CDK14: variants seen among roughly 807,000 people sequenced by gnomAD.
CDK14 encodes the protein cyclin-dependent kinase 14.
CDK14 carries 34 observed loss-of-function variants against 60.7 expected under a neutral mutation model. That is an observed-to-expected ratio of 0.56 (90% CI 0.43 to 0.75). The LOEUF is 0.75. Among genes scored for constraint, CDK14 ranks in the 30% least tolerant of loss-of-function variants. The pLI, the probability that CDK14 is intolerant of heterozygous loss-of-function variation, is 0.00. For missense variants in CDK14, 482 were observed against 564.1 expected (o/e 0.85, Z 1.47); for synonymous variants, 197 against 203.7 (o/e 0.97, Z 0.28).
chr7:90,708,297 A>G (rs1050983304), intron 2 of CDK14, among the ~76,000 whole-genome samples: 4 of 152,170 alleles, frequency 2.6e-5, no homozygotes, highest in Admixed American at 6.6e-5. Context: ...AATGACTCAA[A>G]TAAGAAGTGC....
chr7:90,647,987 A>G (rs1397684823), intron 2 of CDK14, among the ~76,000 whole-genome samples: 2 of 152,220 alleles, frequency 1.3e-5, no homozygotes, highest in African/African-American at 4.8e-5. Flanking sequence ...AGAATTTATA[A>G]TTGAAGAGGG....
At chr7:91,205,517 T>C (rs563465903) in intron 14 of CDK14, among the ~76,000 whole-genome samples, 2 of 152,272 alleles carry the variant, frequency 1.3e-5, no homozygotes, top group South Asian at 4.1e-4. Flanking sequence ...GTATTAATAG[T>C]TGTCAGGGGC....
At chr7:90,744,119 A>C (rs1435547755) in intron 3 of CDK14, among the ~76,000 whole-genome samples, 1 of 152,134 alleles carries the variant, frequency 6.6e-6, no homozygotes, top group Non-Finnish European at 1.5e-5. Context: ...TAAACAAGTG[A>C]ACAAAGGTCT....
intron 8 of CDK14, among the ~76,000 whole-genome samples, chr7:90,923,211 G>A (rs1030220519): frequency 8.7e-5 from 13 of 149,160 alleles, no homozygotes; most frequent in Non-Finnish European, 1.5e-4. Context: ...CCGGGTTCAC[G>A]CCATTCTCCT....
At chr7:90,848,283 G>A (rs11765547) in intron 5 of CDK14, among the ~76,000 whole-genome samples, 112,675 of 152,006 alleles carry the variant, frequency 0.74, 42,043 homozygotes, top group East Asian at 0.88. Flanking sequence ...TTTAGTAGAG[G>A]TGAGGTTTCA....
At chr7:90,714,455 A>G (rs1475154437) in intron 2 of CDK14, among the ~76,000 whole-genome samples, 4 of 152,084 alleles carry the variant, frequency 2.6e-5, no homozygotes, top group Admixed American at 2.6e-4. Context: ...GGTTTACAGA[A>G]CTGGTCTTCA....
intron 2 of CDK14, among the ~76,000 whole-genome samples, chr7:90,634,659 G>T (rs565055692): frequency 3.0e-4 from 46 of 152,060 alleles, no homozygotes; most frequent in Middle Eastern, 3.4e-3. Flanking sequence ...GTAATGGGAT[G>T]GCTGGGTCAA....
At chr7:91,206,333 C>T (rs1229841644) in intron 14 of CDK14, among the ~76,000 whole-genome samples, 2 of 152,182 alleles carry the variant, frequency 1.3e-5, no homozygotes. Flanking sequence ...ACATGAAGGC[C>T]TCACCAGGCC....
chr7:90,899,257 G>A (rs914866025), intron 6 of CDK14, 34 bp from the exon 7 acceptor site: 1 of 1,500,372 alleles, frequency 6.7e-7, no homozygotes, highest in Non-Finnish European at 9.2e-7. Context: ...TATAGCCAGA[G>A]GGTTATTAAT....
At chr7:91,130,547 T>C (rs192825452) in intron 14 of CDK14, among the ~76,000 whole-genome samples, 2 of 152,290 alleles carry the variant, frequency 1.3e-5, no homozygotes, top group African/African-American at 2.4e-5. Flanking sequence ...GTTATGTTGG[T>C]AACATTTTCC....
intron 8 of CDK14, among the ~76,000 whole-genome samples, chr7:90,932,226 T>C (rs1793616332): frequency 6.6e-6 from 1 of 152,172 alleles, no homozygotes; most frequent in Non-Finnish European, 1.5e-5. Context: ...GGTCTGCGGC[T>C]GGGAGCAGTG....
chr7:91,033,452 A>G (rs1158060079), intron 10 of CDK14, among the ~76,000 whole-genome samples: 2 of 152,224 alleles, frequency 1.3e-5, no homozygotes, highest in African/African-American at 4.8e-5. Flanking sequence ...CGAAAAGTCC[A>G]ATTAGAATGC....
intron 12 of CDK14, among the ~76,000 whole-genome samples, chr7:91,079,881 G>A (rs1399960983): frequency 6.6e-6 from 1 of 151,998 alleles, no homozygotes; most frequent in African/African-American, 2.4e-5. Flanking sequence ...TTTTCACTTC[G>A]CATATTTTTC....
At chr7:90,734,429 G>T (rs781114886) in intron 3 of CDK14, among the ~76,000 whole-genome samples, 1 of 152,052 alleles carries the variant, frequency 6.6e-6, no homozygotes, top group Admixed American at 6.6e-5. Flanking sequence ...TATTCTCCCC[G>T]TCACTTTCAG....
intron 11 of CDK14, among the ~76,000 whole-genome samples, chr7:91,072,480 C>T (rs1161527432): frequency 6.6e-6 from 1 of 152,156 alleles, no homozygotes; most frequent in Non-Finnish European, 1.5e-5. Flanking sequence ...AAAGCAACAA[C>T]AGCATCAACA....
At chr7:90,984,787 C>T (rs1349534383) in intron 10 of CDK14, among the ~76,000 whole-genome samples, 1 of 152,154 alleles carries the variant, frequency 6.6e-6, no homozygotes, top group Admixed American at 6.5e-5. Context: ...TGTGGTCTTC[C>T]TCCCCAAACC....
chr7:91,126,018 AT>A (rs781135533), intron 14 of CDK14, among the ~76,000 whole-genome samples: 1 of 152,188 alleles, frequency 6.6e-6, no homozygotes, highest in Non-Finnish European at 1.5e-5. Context: ...TTTATTTTAC[AT>A]TATTACATAC....
At chr7:91,151,588 AT>A (rs1800828968) in intron 14 of CDK14, among the ~76,000 whole-genome samples, 1 of 152,074 alleles carries the variant, frequency 6.6e-6, no homozygotes, top group South Asian at 2.1e-4. Context: ...TTTAAATAAT[AT>A]TTGCCATGCT....
At chr7:90,960,348 T>C (rs1794564942) in intron 9 of CDK14, among the ~76,000 whole-genome samples, 1 of 152,096 alleles carries the variant, frequency 6.6e-6, no homozygotes, top group African/African-American at 2.4e-5. Flanking sequence ...AGCATGCCAG[T>C]CTCTTCCTTT....
Sources: allele counts gnomAD v4.1 joint callset (sites outside exome capture counted in the v4.1 genomes callset), GRCh38; gene constraint gnomAD v4.1.1; transcripts MANE v1.5; gene names NCBI Gene and HGNC (gene_info 2026-07-23, HGNC 2026-07-21).